The following SNTG2 variants were observed in gnomAD, a reference collection of about 807,000 sequenced individuals.
SNTG2 encodes syntrophin gamma 2.
In SNTG2, 74 loss-of-function variants were observed where a neutral mutation model predicts 70.9. The ratio of observed to expected loss-of-function variants is 1.04; its 90% CI spans 0.86 to 1.27. SNTG2 has a LOEUF of 1.27. SNTG2 is among the 50% of genes most tolerant of loss of function. The pLI is 0.00. For synonymous variants in SNTG2, 278 were observed against 273.8 expected, an observed-to-expected ratio of 1.02 and a Z score of -0.15; for missense variants, 717 against 690.7, an observed-to-expected ratio of 1.04 and a Z score of -0.43.
intron 8 of SNTG2, among the ~76,000 whole-genome samples, chr2:1,179,267 T>C (rs1383762694): frequency 1.3e-5 from 2 of 152,206 alleles, no homozygotes; most frequent in Non-Finnish European, 2.9e-5. Context: ...CCTGGATTAA[T>C]TAATTTTTTG....
At chr2:1,357,191 C>T (rs1558229332) in intron 16 of SNTG2, among the ~76,000 whole-genome samples, 1 of 152,068 alleles carries the variant, frequency 6.6e-6, no homozygotes, top group Non-Finnish European at 1.5e-5. Flanking sequence ...GGATGTCTAG[C>T]GCTGTGTTGA....
At chr2:962,035 T>C (rs1243485730) in intron 1 of SNTG2, among the ~76,000 whole-genome samples, 1 of 152,242 alleles carries the variant, frequency 6.6e-6, no homozygotes, top group Non-Finnish European at 1.5e-5. Flanking sequence ...CAATCTAGAC[T>C]TCATTGGTTC....
chr2:1,066,367 GTGT>G (rs1452746178), intron 1 of SNTG2, among the ~76,000 whole-genome samples: 1 of 151,906 alleles, frequency 6.6e-6, no homozygotes, highest in African/African-American at 2.4e-5. Context: ...GTACAGTCAC[GTGT>G]TGTTGTGAAG....
At chr2:1,114,760 T>C (rs62107415) in intron 4 of SNTG2, among the ~76,000 whole-genome samples, 5,482 of 152,076 alleles carry the variant, frequency 0.036, 219 homozygotes, top group South Asian at 0.19. Flanking sequence ...GTTTAACCCT[T>C]ATACTCCTTT....
At chr2:1,259,258 C>A in intron 12 of SNTG2, 112 bp from the exon 13 acceptor site, 1 of 869,192 alleles carries the variant, frequency 1.2e-6, no homozygotes, top group Non-Finnish European at 1.9e-6. Flanking sequence ...ACTAATGGGG[C>A]TTAGGATTTA....
chr2:1,169,111 C>T (rs1572631630), intron 7 of SNTG2, among the ~76,000 whole-genome samples: 1 of 152,116 alleles, frequency 6.6e-6, no homozygotes, highest in Non-Finnish European at 1.5e-5. Context: ...TGTGAGGGGG[C>T]AGCGTGAGTG....
chr2:1,060,290 A>C (rs982706662), intron 1 of SNTG2, among the ~76,000 whole-genome samples: 1 of 152,232 alleles, frequency 6.6e-6, no homozygotes, highest in Non-Finnish European at 1.5e-5. Flanking sequence ...TAACGATACC[A>C]GTGTGAACTC....
At chr2:1,269,822 G>A (rs569429306) in intron 14 of SNTG2, among the ~76,000 whole-genome samples, 1 of 152,286 alleles carries the variant, frequency 6.6e-6, no homozygotes, top group East Asian at 1.9e-4. Flanking sequence ...CCTTTCGTGG[G>A]GAATGGAGGC....
At chr2:1,161,282 G>C (rs1670254944) in intron 6 of SNTG2, 1 of 152,166 alleles carries the variant, frequency 6.6e-6, no homozygotes, top group Non-Finnish European at 1.5e-5. Flanking sequence ...AAAAAAGAGA[G>C]CGCATCTAGA....
At chr2:1,276,698 G>A (rs546626397) in intron 14 of SNTG2, among the ~76,000 whole-genome samples, 18 of 152,258 alleles carry the variant, frequency 1.2e-4, no homozygotes, top group South Asian at 4.1e-4. Flanking sequence ...TTTGACTGTC[G>A]AGTTTTATTA....
rs149364086 is a variant in SNTG2 at position 1,235,623 on chromosome 2, C to T, written c.720-2265C>T. On this transcript the variant is annotated intron_variant, in intron 9 of 16. Coordinates refer to ENST00000308624, the MANE Select transcript of SNTG2 (RefSeq NM_018968.4). The stretch of plus-strand genomic sequence containing the variant: ...TGCCCTGAGGTCCCTGCAGGCCCCA[C>T]GAGGCACCCCCGATTCATGAGAGGA... 4.9e-4 allele frequency among the ~76,000 whole-genome samples: 73 copies of T among 149,830 alleles called. No individual in the cohort carries two copies. The East Asian group carries it at 5.1e-3, about 11-fold the overall frequency.
In SNTG2 at chr2:1,028,233, C is replaced by A. The variant is rs151204483; in HGVS notation, c.73-55285C>A. Among the ~76,000 whole-genome samples the A allele has an allele frequency of 5.0e-5, 7 of 139,012 alleles. No homozygotes were observed. The East Asian group carries it at 1.5e-3, about 30-fold the overall frequency. The allele number at this position is 139,012 out of a possible 152,430, so 91.2% of individuals were successfully genotyped here. On this transcript the variant is annotated intron_variant, in intron 1 of 16. Transcript: ENST00000308624. ...AGTAAAGAGGTAAGCAGGTGCATCA[C>A]TGAAGGTGCGTCTGACCCACAGACA...
At chr2:1,138,312 C>T (rs989907548) in intron 6 of SNTG2, among the ~76,000 whole-genome samples, 2 of 152,184 alleles carry the variant, frequency 1.3e-5, no homozygotes, top group African/African-American at 4.8e-5. Context: ...TGGTGGGGGT[C>T]AGGATGCATT....
chr2:1,255,128 G>C (rs1050063669), intron 12 of SNTG2, among the ~76,000 whole-genome samples: 1 of 152,006 alleles, frequency 6.6e-6, no homozygotes, highest in African/African-American at 2.4e-5. Flanking sequence ...AAGTCGTGGC[G>C]TGGAGTCTGG....
chr2:1,330,939 C>T (rs1294060905), intron 16 of SNTG2, among the ~76,000 whole-genome samples: 1 of 152,142 alleles, frequency 6.6e-6, no homozygotes, highest in African/African-American at 2.4e-5. Flanking sequence ...GAGTGTCACT[C>T]CTCAGGTTGT....
intron 16 of SNTG2, among the ~76,000 whole-genome samples, chr2:1,322,397 G>A (rs944829340): frequency 6.6e-6 from 1 of 152,182 alleles, no homozygotes; most frequent in African/African-American, 2.4e-5. Flanking sequence ...CAGAAACCAG[G>A]TCAGGTGCGT....
At chr2:1,041,639 C>T (rs1243374188) in intron 1 of SNTG2, among the ~76,000 whole-genome samples, 3 of 152,090 alleles carry the variant, frequency 2.0e-5, no homozygotes, top group Non-Finnish European at 2.9e-5. Flanking sequence ...CCTCCCCTCC[C>T]ACTGCCTCTC....
intron 9 of SNTG2, among the ~76,000 whole-genome samples, chr2:1,237,004 G>A (rs1304262723): frequency 1.3e-5 from 2 of 151,350 alleles, no homozygotes; most frequent in Admixed American, 6.6e-5. Flanking sequence ...GTGCAGTGGT[G>A]TGATCTCGGC....
At chr2:1,166,965 C>T (rs1670749199) in intron 7 of SNTG2, among the ~76,000 whole-genome samples, 1 of 152,182 alleles carries the variant, frequency 6.6e-6, no homozygotes, top group Non-Finnish European at 1.5e-5. Context: ...TTCTGGCTCT[C>T]CATCCATCTT....
Sources: allele counts gnomAD v4.1 joint callset (sites outside exome capture counted in the v4.1 genomes callset), GRCh38; gene constraint gnomAD v4.1.1; transcripts MANE v1.5; gene names NCBI Gene and HGNC (gene_info 2026-07-23, HGNC 2026-07-21).